Variants in ROBO1 observed in about 807,000 individuals in gnomAD.
ROBO1 encodes the protein roundabout homolog 1.
A neutral mutation model predicts 195.9 loss-of-function variants in ROBO1; 149 were observed. The observed-to-expected ratio is 0.76, with a 90% CI of 0.67 to 0.87. The LOEUF (loss-of-function observed/expected upper bound fraction) is 0.87. Among genes scored for constraint, ROBO1 ranks in the 40% least tolerant of loss-of-function variants. The probability of loss-of-function intolerance (pLI) is 0.00; values close to 1 mark genes in which losing one functional copy is unlikely to be tolerated. For synonymous variants in ROBO1, 816 were observed against 733.2 expected, an observed-to-expected ratio of 1.11 and a Z score of -1.82; for missense variants, 1,933 against 2,068.3, an observed-to-expected ratio of 0.93 and a Z score of 1.27.
At chr3:79,338,233 C>G (rs1483301970) in intron 2 of ROBO1, among the ~76,000 whole-genome samples, 1 of 152,136 alleles carries the variant, frequency 6.6e-6, no homozygotes, top group Non-Finnish European at 1.5e-5. Flanking sequence ...AATCCAGGCA[C>G]CAACTATACA....
intron 4 of ROBO1, among the ~76,000 whole-genome samples, chr3:78,791,065 C>T (rs2084004665): frequency 6.6e-6 from 1 of 152,154 alleles, no homozygotes; most frequent in Non-Finnish European, 1.5e-5. Flanking sequence ...CCCTCAGTCT[C>T]GTGGAGGAGA....
At chr3:78,732,920 A>G (rs1371801495) in intron 5 of ROBO1, among the ~76,000 whole-genome samples, 1 of 152,140 alleles carries the variant, frequency 6.6e-6, no homozygotes, top group Non-Finnish European at 1.5e-5. Flanking sequence ...AAGATTTAAG[A>G]AGAGTAAACC....
intron 4 of ROBO1, among the ~76,000 whole-genome samples, chr3:78,872,622 A>C (rs1239069735): frequency 6.6e-6 from 1 of 152,172 alleles, no homozygotes; most frequent in Non-Finnish European, 1.5e-5. Flanking sequence ...ATGAAGAAGA[A>C]ATTCTGTTTA....
At chr3:79,019,292 G>C in intron 3 of ROBO1, 1 of 985,802 alleles carries the variant, frequency 1.0e-6, no homozygotes, top group Non-Finnish European at 1.2e-6. Flanking sequence ...CCCCTGGCTC[G>C]TGGAAGCTGT....
At chr3:78,887,327 T>A (rs1230098262) in intron 4 of ROBO1, among the ~76,000 whole-genome samples, 1 of 152,116 alleles carries the variant, frequency 6.6e-6, no homozygotes, top group Non-Finnish European at 1.5e-5. Flanking sequence ...CTGGATGAAA[T>A]CCATTACTAG....
intron 5 of ROBO1, among the ~76,000 whole-genome samples, chr3:78,742,437 A>C (rs1377315107): frequency 6.6e-6 from 1 of 152,206 alleles, no homozygotes; most frequent in Admixed American, 6.5e-5. Context: ...TTTATGTTCT[A>C]AGTTTTTGTT....
chr3:79,725,904 TA>T (rs34114066), intron 1 of ROBO1, among the ~76,000 whole-genome samples: 90 of 147,334 alleles, frequency 6.1e-4, no homozygotes, highest in African/African-American at 1.4e-3. Context: ...TACAGACACT[TA>T]AAAAAAAAAA....
At chr3:79,008,097 T>C (rs1410918389) in intron 3 of ROBO1, among the ~76,000 whole-genome samples, 2 of 152,178 alleles carry the variant, frequency 1.3e-5, no homozygotes, top group African/African-American at 2.4e-5. Context: ...GGAACCTACT[T>C]ATTCCAGGAA....
At chr3:79,093,688 T>C (rs1169931863) in intron 3 of ROBO1, among the ~76,000 whole-genome samples, 1 of 152,018 alleles carries the variant, frequency 6.6e-6, no homozygotes, top group African/African-American at 2.4e-5. Context: ...ATCACTTTAA[T>C]AAAATATAGA....
intron 3 of ROBO1, among the ~76,000 whole-genome samples, chr3:79,060,138 A>T (rs753375981): frequency 2.8e-4 from 42 of 151,988 alleles, no homozygotes; most frequent in South Asian, 2.1e-4. Flanking sequence ...CTCCTGCAGC[A>T]TCCCCAGGCT....
chr3:79,144,141 T>A (rs954006455), intron 2 of ROBO1, among the ~76,000 whole-genome samples: 1 of 152,100 alleles, frequency 6.6e-6, no homozygotes, highest in Non-Finnish European at 1.5e-5. Context: ...TTTTGCCTGT[T>A]ATGAATAAAG....
intron 1 of ROBO1, among the ~76,000 whole-genome samples, chr3:79,699,151 A>T (rs1048982738): frequency 4.0e-5 from 6 of 151,138 alleles, no homozygotes; most frequent in Middle Eastern, 3.2e-3. Flanking sequence ...AAATAAAAAC[A>T]GTACGTTTGA....
chr3:78,717,258 GA>G lies in ROBO1; in HGVS notation c.917+16del. On this transcript the variant is annotated intron_variant, in intron 7 of 30. Coordinates refer to ENST00000464233, the MANE Select transcript of ROBO1 (RefSeq NM_002941.4). The stretch of plus-strand genomic sequence containing the variant: ...ATGCTGAGTTGACAAATCATATCAT[GA>G]AACTCTGATGTGTACCTGGATTTGG... The G allele has an allele frequency of 2.0e-6, 3 of 1,532,432 alleles. No individual in the cohort carries two copies. Among genetic ancestry groups the G allele is most frequent in the Non-Finnish European group, 2.6e-6 (3 of 1,144,056 alleles). 94.9% of individuals were successfully genotyped at this position (1,532,432 alleles called of 1,614,324 possible).
intron 3 of ROBO1, among the ~76,000 whole-genome samples, chr3:78,965,085 T>C (rs185583962): frequency 6.6e-6 from 1 of 152,094 alleles, no homozygotes; most frequent in East Asian, 1.9e-4. Flanking sequence ...ATAGATGATA[T>C]AAATAATGTT....
intron 3 of ROBO1, among the ~76,000 whole-genome samples, chr3:78,944,947 C>T (rs1470217682): frequency 1.3e-5 from 2 of 152,130 alleles, no homozygotes; most frequent in African/African-American, 2.4e-5. Context: ...AACTGCAAGG[C>T]GGCAGTGAGG....
At chr3:78,852,509 A>C (rs565821980) in intron 4 of ROBO1, among the ~76,000 whole-genome samples, 1 of 152,320 alleles carries the variant, frequency 6.6e-6, no homozygotes, top group South Asian at 2.1e-4. Flanking sequence ...TGTGGTCAGC[A>C]TCATGATTTA....
chr3:79,598,340 C>T (rs1032957296), intron 1 of ROBO1, among the ~76,000 whole-genome samples: 1 of 152,090 alleles, frequency 6.6e-6, no homozygotes, highest in African/African-American at 2.4e-5. Flanking sequence ...ATCCTTCAAC[C>T]TACACCAAAT....
intron 21 of ROBO1, among the ~76,000 whole-genome samples, chr3:78,642,221 A>C (rs1026613902): frequency 6.6e-6 from 1 of 152,194 alleles, no homozygotes; most frequent in African/African-American, 2.4e-5. Flanking sequence ...TCATGAAGAA[A>C]AAAGAGGGCA....
intron 10 of ROBO1, among the ~76,000 whole-genome samples, chr3:78,682,664 T>TACGTATATATAC (rs1323947649): frequency 2.0e-5 from 3 of 147,582 alleles, no homozygotes; most frequent in Non-Finnish European, 4.5e-5. Flanking sequence ...TGTGTATATA[T>TACGTATATATAC]ACGTATATAT....
Sources: gnomAD v4.1 joint callset for allele counts (sites outside exome capture counted in the v4.1 genomes callset) on GRCh38, gnomAD v4.1.1 for gene constraint, MANE v1.5 for transcripts, NCBI Gene and HGNC (gene_info 2026-07-23, HGNC 2026-07-21) for gene names.